CHST11: variants seen among roughly 807,000 people sequenced by gnomAD.
The protein encoded by CHST11 is carbohydrate sulfotransferase 11.
A neutral mutation model predicts 30.4 loss-of-function variants in CHST11; 9 were observed. The observed-to-expected ratio is 0.30, with a 90% CI of 0.18 to 0.52. CHST11 has a LOEUF of 0.52. Ranked by LOEUF, CHST11 falls within the 20% of genes least tolerant of loss-of-function variation. CHST11 has a pLI of 0.97. For missense variants in CHST11, 348 were observed against 460.6 expected (o/e 0.76, Z 2.24); for synonymous variants, 152 against 187.8 (o/e 0.81, Z 1.56).
intron 2 of CHST11, among the ~76,000 whole-genome samples, chr12:104,658,691 G>A (rs1048654418): frequency 1.3e-5 from 2 of 152,044 alleles, no homozygotes; most frequent in African/African-American, 4.8e-5. Flanking sequence ...CCTCCTCCCA[G>A]ACTCTCTCAT....
chr12:104,472,444 T>A (rs1024172805), intron 1 of CHST11, among the ~76,000 whole-genome samples: 1 of 152,132 alleles, frequency 6.6e-6, no homozygotes, highest in Non-Finnish European at 1.5e-5. Context: ...CTCTAAGGTA[T>A]CTTCAGAGTC....
intron 1 of CHST11, among the ~76,000 whole-genome samples, chr12:104,551,021 C>T (rs188690355): frequency 2.6e-5 from 4 of 152,120 alleles, no homozygotes; most frequent in East Asian, 3.9e-4. Flanking sequence ...GCTGATGGTC[C>T]GTACTTGAGA....
intron 1 of CHST11, among the ~76,000 whole-genome samples, chr12:104,580,835 T>C (rs949027448): frequency 6.6e-6 from 1 of 152,194 alleles, no homozygotes; most frequent in Non-Finnish European, 1.5e-5. Context: ...CAAGCAATCC[T>C]CCTGCCTTGG....
intron 2 of CHST11, among the ~76,000 whole-genome samples, chr12:104,602,755 G>A (rs548913129): frequency 2.6e-5 from 4 of 152,218 alleles, no homozygotes; most frequent in South Asian, 2.1e-4. Context: ...GTGGACCTTC[G>A]ATAGCCGTAG....
intron 1 of CHST11, among the ~76,000 whole-genome samples, chr12:104,591,198 T>C (rs866645705): frequency 6.6e-6 from 1 of 152,018 alleles, no homozygotes; most frequent in Non-Finnish European, 1.5e-5. Context: ...GGCTATATCA[T>C]GGGGGGCCTC....
In CHST11 at chr12:104,757,532, ACT is replaced by A; in HGVS notation, c.790_791del (p.Ser264ThrfsTer10). 6.2e-7 allele frequency: 1 copy of A among 1,613,958 alleles called. No individual in the cohort carries two copies. The highest frequency in any genetic ancestry group is 8.5e-7 in the Non-Finnish European group (1 of 1,179,964). ...TTCAACGAACACTGGCAAACCGTCT[ACT>A]CACTCTGCCATCCCTGCCACATCCA... is the stretch of plus-strand genomic sequence containing the variant. On this transcript the variant is annotated frameshift_variant, in exon 3 of 3. Coordinates refer to ENST00000303694, the MANE Select transcript of CHST11 (RefSeq NM_018413.6). LOFTEE classifies it high-confidence loss of function. The surrounding 1 kb of genome is among the most constrained non-coding windows in gnomAD (Gnocchi z 6.5).
intron 1 of CHST11, among the ~76,000 whole-genome samples, chr12:104,581,581 C>T (rs1318247135): frequency 6.6e-6 from 1 of 152,168 alleles, no homozygotes; most frequent in Non-Finnish European, 1.5e-5. Flanking sequence ...GATTTCTGGC[C>T]TCAGTGAGGG....
At chr12:104,700,569 T>A (rs1018862022) in intron 2 of CHST11, among the ~76,000 whole-genome samples, 1 of 152,200 alleles carries the variant, frequency 6.6e-6, no homozygotes, top group Non-Finnish European at 1.5e-5. Flanking sequence ...GGGATAATAC[T>A]AGTAATTAGC....
intron 1 of CHST11, among the ~76,000 whole-genome samples, chr12:104,547,723 G>C (rs182400802): frequency 1.7e-3 from 262 of 152,188 alleles, no homozygotes; most frequent in African/African-American, 6.0e-3. Context: ...GTGTGGTCCT[G>C]GGCAAATTCT....
At chr12:104,653,477 T>C (rs1370806798) in intron 2 of CHST11, among the ~76,000 whole-genome samples, 1 of 152,188 alleles carries the variant, frequency 6.6e-6, no homozygotes, top group Non-Finnish European at 1.5e-5. Context: ...CAGTACCCCA[T>C]TATCTTAGTG....
intron 2 of CHST11, among the ~76,000 whole-genome samples, chr12:104,664,983 G>A (rs1188820388): frequency 6.6e-6 from 1 of 152,146 alleles, no homozygotes; most frequent in Non-Finnish European, 1.5e-5. Context: ...GCCAACACCC[G>A]GGCTATTCAG....
At chr12:104,490,793 C>T (rs569258415) in intron 1 of CHST11, among the ~76,000 whole-genome samples, 1 of 152,152 alleles carries the variant, frequency 6.6e-6, no homozygotes, top group Admixed American at 6.6e-5. Context: ...GTATGTGTGG[C>T]AGATCTAAAG....
chr12:104,532,792 G>C (rs1388985888), intron 1 of CHST11, among the ~76,000 whole-genome samples: 1 of 152,022 alleles, frequency 6.6e-6, no homozygotes, highest in Non-Finnish European at 1.5e-5. Flanking sequence ...CAATGCTCCT[G>C]AGCTACATCA....
At chr12:104,476,705 G>C (rs2037566483) in intron 1 of CHST11, among the ~76,000 whole-genome samples, 1 of 151,904 alleles carries the variant, frequency 6.6e-6, no homozygotes, top group Non-Finnish European at 1.5e-5. Flanking sequence ...CTAGAAGATT[G>C]TATCTATTGA....
intron 2 of CHST11, among the ~76,000 whole-genome samples, chr12:104,655,581 G>A (rs1320079263): frequency 6.6e-6 from 1 of 152,220 alleles, no homozygotes; most frequent in Non-Finnish European, 1.5e-5. Context: ...TAGCAAAAGT[G>A]GGGCTGCCTT....
intron 1 of CHST11, among the ~76,000 whole-genome samples, chr12:104,556,961 A>G (rs1376476576): frequency 3.3e-5 from 5 of 151,032 alleles, no homozygotes; most frequent in Non-Finnish European, 7.4e-5. Flanking sequence ...AGCCTGGGCA[A>G]CAGAGCAAGA....
chr12:104,550,607 C>T (rs57353980), intron 1 of CHST11, among the ~76,000 whole-genome samples: 16,624 of 152,230 alleles, frequency 0.11, 971 homozygotes, highest in African/African-American at 0.12. Flanking sequence ...GGCCCACATG[C>T]CTTTGTTTGC....
At chr12:104,598,771 G>A (rs982765577) in intron 1 of CHST11, among the ~76,000 whole-genome samples, 9 of 152,256 alleles carry the variant, frequency 5.9e-5, no homozygotes, top group South Asian at 2.1e-4. Context: ...CTCCTGAGTC[G>A]TCTGGCTCCT....
At chr12:104,466,665 A>G (rs1009384882) in intron 1 of CHST11, among the ~76,000 whole-genome samples, 1 of 152,256 alleles carries the variant, frequency 6.6e-6, no homozygotes, top group Non-Finnish European at 1.5e-5. Context: ...AAAGCTTTCT[A>G]GAAGGAGGGT....
Sources: gnomAD v4.1 joint callset for allele counts (sites outside exome capture counted in the v4.1 genomes callset) on GRCh38, gnomAD v4.1.1 for gene constraint, Gnocchi (gnomAD v3.1) non-coding constraint, MANE v1.5 for transcripts, NCBI Gene and HGNC (gene_info 2026-07-23, HGNC 2026-07-21) for gene names.